The following PREX1 variants were observed in gnomAD, a reference collection of about 807,000 sequenced individuals.
The protein encoded by PREX1 is phosphatidylinositol-3,4,5-trisphosphate dependent Rac exchange factor 1.
Under a neutral mutation model 198.3 loss-of-function variants are expected in PREX1, and 41 were observed. The observed-to-expected ratio is 0.21, with a 90% CI of 0.16 to 0.27. PREX1 has a LOEUF of 0.27. PREX1 is among the 10% of genes least tolerant of loss of function. PREX1 has a pLI of 1.00. For synonymous variants in PREX1, 843 were observed against 887.2 expected (o/e 0.95, Z 0.89); for missense variants, 1,620 against 2,200.7 (o/e 0.74, Z 5.28).
chr20:48,774,656 C>T (rs1476336807), intron 1 of PREX1, among the ~76,000 whole-genome samples: 1 of 152,258 alleles, frequency 6.6e-6, no homozygotes, highest in East Asian at 1.9e-4. Flanking sequence ...TCTCCCCCAA[C>T]CTGGGCACCT....
rs557931930 is a variant in PREX1 at position 48,624,305 on chromosome 20, C to A, written c.*1580G>T. On this transcript the variant is annotated 3_prime_UTR_variant, in exon 40 of 40. Transcript: ENST00000371941. ...AATAAAAAATCTATCAAGAATTTAA[C>A]GAGAAGAATCTGTACATTTTAAAGT... 6.7e-6 allele frequency: 1 copy of A among 149,226 alleles called. No individual in the cohort carries two copies. The highest frequency in any genetic ancestry group is 6.8e-5 in the Admixed American group (1 of 14,764). The allele number at this position is 149,226 out of a possible 1,614,324, so 9.2% of individuals were successfully genotyped here.
intron 1 of PREX1, among the ~76,000 whole-genome samples, chr20:48,767,530 G>C (rs2090214375): frequency 6.6e-6 from 1 of 152,266 alleles, no homozygotes. Flanking sequence ...ACTCAGAGAA[G>C]GAAATAGATA....
At chr20:48,658,018 A>C in intron 17 of PREX1, 118 bp downstream of exon 17, 1 of 985,194 alleles carries the variant, frequency 1.0e-6, no homozygotes, top group South Asian at 1.6e-5. Flanking sequence ...CAATGAGAGA[A>C]GAGGAGTCAG....
chr20:48,670,781 C>T (rs371288213), intron 14 of PREX1, among the ~76,000 whole-genome samples: 7 of 152,180 alleles, frequency 4.6e-5, no homozygotes, highest in African/African-American at 1.7e-4. Flanking sequence ...TAATACCAAG[C>T]GTTATGATTG....
chr20:48,672,103 C>T (rs150236913), intron 14 of PREX1, among the ~76,000 whole-genome samples: 70 of 152,350 alleles, frequency 4.6e-4, no homozygotes, highest in African/African-American at 1.5e-3. Context: ...CAGCACCAGC[C>T]ACCAACACTG....
At chr20:48,874,372 CGTGTGTGTGTGTGT>C in the PREX1 span, among the ~76,000 whole-genome samples, 15,565 of 128,002 alleles carry the variant, frequency 0.12, 1,024 homozygotes, top group Non-Finnish European at 0.16. Flanking sequence ...GAGGGGTGTC[CGTGTGTGTGTGTGT>C]GTGTGTGTGT....
At position 48,649,281 on chromosome 20, in the gene PREX1, A is replaced by AC; in HGVS notation, c.3305+18dup. 2 of 1,604,208 alleles carry AC rather than the reference A, an allele frequency of 1.2e-6. No homozygotes were observed. The highest frequency in any genetic ancestry group is 1.7e-6 in the Non-Finnish European group (2 of 1,172,900). ...ACACCTGCCCCTGCTCACGCCGGAC[A>AC]CCCCCGGCCAGCGCTCACCTGTTGA... On this transcript the variant is annotated intron_variant, in intron 25 of 39. Coordinates refer to ENST00000371941, the MANE Select transcript of PREX1 (RefSeq NM_020820.4).
chr20:48,860,735 T>C, the PREX1 span, among the ~76,000 whole-genome samples: 5 of 150,740 alleles, frequency 3.3e-5, no homozygotes, highest in African/African-American at 1.2e-4. Flanking sequence ...CTCAGGAAGC[T>C]GAAGCAGGAG....
intron 1 of PREX1, among the ~76,000 whole-genome samples, chr20:48,783,469 A>G (rs1241761854): frequency 6.6e-6 from 1 of 152,158 alleles, no homozygotes; most frequent in Non-Finnish European, 1.5e-5. Flanking sequence ...CCAAGTAGCA[A>G]TGGCAAAGAG....
At chr20:48,873,744 TA>T in the PREX1 span, among the ~76,000 whole-genome samples, 4 of 151,254 alleles carry the variant, frequency 2.6e-5, no homozygotes, top group Non-Finnish European at 4.4e-5. Flanking sequence ...AAATAAAAAT[TA>T]AAAAAATAAA....
At chr20:48,785,884 A>G (rs561277743) in intron 1 of PREX1, among the ~76,000 whole-genome samples, 1 of 152,360 alleles carries the variant, frequency 6.6e-6, no homozygotes, top group Admixed American at 6.5e-5. Flanking sequence ...ACAGGAAGAC[A>G]GAGCTTACCT....
intron 1 of PREX1, among the ~76,000 whole-genome samples, chr20:48,787,883 T>C (rs1367842379): frequency 1.3e-5 from 2 of 152,114 alleles, no homozygotes; most frequent in African/African-American, 4.8e-5. Flanking sequence ...AGGAGGGAAA[T>C]ATGGCTGTGG....
chr20:48,638,519 C>T (rs1483975227), intron 30 of PREX1, among the ~76,000 whole-genome samples: 1 of 152,140 alleles, frequency 6.6e-6, no homozygotes, highest in Non-Finnish European at 1.5e-5. Flanking sequence ...TGTGGAAGGG[C>T]TTTGGATTTG....
rs942508097 is a variant in PREX1, at chr20:48,660,239, G to A, written c.1739-178C>T. ...AACATATTAGGATATTTCACAAAGC[G>A]ATCTGGCTTTCTGACTTCTCTTGAA... On this transcript the variant is annotated intron_variant, in intron 15 of 39. Transcript: ENST00000371941. Among the ~76,000 whole-genome samples, 5 of 152,348 alleles carry A rather than the reference G, an allele frequency of 3.3e-5. No individual in the cohort carries two copies. The South Asian group carries it at 1.0e-3, about 32-fold the overall frequency.
At chr20:48,679,836 GCCAGCCACGCCCCCTCTGCCCCTC>G (rs1384665252) in intron 11 of PREX1, 82 bp from the exon 12 acceptor site, 1 of 1,049,038 alleles carries the variant, frequency 9.5e-7, no homozygotes, top group African/African-American at 1.6e-5. Flanking sequence ...GGCCTTCACT[GCCAGCCACGCCCCCTCTGCCCCTC>G]CCAGTCACAC....
intron 34 of PREX1, 48 bp from the exon 35 acceptor site, chr20:48,632,439 G>A: frequency 6.2e-7 from 1 of 1,613,264 alleles, no homozygotes. Context: ...GAGCCGGTGT[G>A]CTTGGTGGCC....
At chr20:48,837,301 C>T in the PREX1 span, among the ~76,000 whole-genome samples, 1 of 152,212 alleles carries the variant, frequency 6.6e-6, no homozygotes, top group Non-Finnish European at 1.5e-5. Flanking sequence ...TACCATTAGA[C>T]CCAGCAATGC....
At chr20:48,642,622 C>T (rs2089423206) in intron 27 of PREX1, 133 bp from the exon 28 acceptor site, 1 of 785,348 alleles carries the variant, frequency 1.3e-6, no homozygotes, top group Admixed American at 3.0e-5. Flanking sequence ...AAGACCAGGT[C>T]CTGGCTGTGA....
chr20:48,717,211 G>T (rs1255596333), intron 5 of PREX1, among the ~76,000 whole-genome samples: 3 of 151,948 alleles, frequency 2.0e-5, no homozygotes, highest in Non-Finnish European at 4.4e-5. Context: ...AAGCCATATT[G>T]TCCTCTCCAC....
Sources: gnomAD v4.1 joint callset for allele counts (sites outside exome capture counted in the v4.1 genomes callset) on GRCh38, gnomAD v4.1.1 for gene constraint, MANE v1.5 for transcripts, NCBI Gene and HGNC (gene_info 2026-07-23, HGNC 2026-07-21) for gene names.